The following SCHIP1 variants were observed in gnomAD, a reference collection of about 807,000 sequenced individuals.
SCHIP1 encodes schwannomin-interacting protein 1.
A neutral mutation model predicts 29.7 loss-of-function variants in SCHIP1; 8 were observed. The observed-to-expected ratio is 0.27, with a 90% CI of 0.16 to 0.49. The LOEUF is 0.49. Ranked by LOEUF, SCHIP1 falls within the 20% of genes least tolerant of loss-of-function variation. SCHIP1 has a pLI of 0.99. For missense variants in SCHIP1, 193 were observed against 294.6 expected, an observed-to-expected ratio of 0.66 and a Z score of 2.52; for synonymous variants, 76 against 94.9, an observed-to-expected ratio of 0.80 and a Z score of 1.16.
chr3:159,854,947 C>T (rs143764863), intron 1 of SCHIP1, among the ~76,000 whole-genome samples: 102 of 152,324 alleles, frequency 6.7e-4, no homozygotes, highest in Non-Finnish European at 1.2e-3. Flanking sequence ...CTGACTAAAG[C>T]TACAGACATG....
At chr3:159,612,438 C>A in the SCHIP1 span, among the ~76,000 whole-genome samples, 8 of 152,262 alleles carry the variant, frequency 5.3e-5, no homozygotes, top group South Asian at 1.7e-3. Context: ...ATAATTCTGA[C>A]TGAAATATTT....
chr3:159,765,119 C>T, the SCHIP1 span: 1 of 1,567,192 alleles, frequency 6.4e-7, no homozygotes, highest in Non-Finnish European at 8.6e-7. Flanking sequence ...CAGGGCCAGG[C>T]GAGGACCAAC....
the SCHIP1 span, among the ~76,000 whole-genome samples, chr3:159,732,640 G>A: frequency 6.6e-6 from 1 of 152,202 alleles, no homozygotes; most frequent in Admixed American, 6.5e-5. Context: ...CAAGGTTACA[G>A]AAGGCCCTGA....
chr3:159,550,931 A>G, the SCHIP1 span, among the ~76,000 whole-genome samples: 2 of 152,194 alleles, frequency 1.3e-5, no homozygotes, highest in African/African-American at 4.8e-5. Context: ...ATTGTGAGTT[A>G]ACTTTATATT....
chr3:159,516,079 C>A, the SCHIP1 span, among the ~76,000 whole-genome samples: 8 of 152,058 alleles, frequency 5.3e-5, no homozygotes. Context: ...GACTCCTCTT[C>A]TCCTTCTTCC....
At chr3:159,731,967 C>T in the SCHIP1 span, among the ~76,000 whole-genome samples, 2 of 152,042 alleles carry the variant, frequency 1.3e-5, no homozygotes, top group African/African-American at 4.8e-5. Context: ...CTGTCTCAGC[C>T]TCCTGAGTAG....
the SCHIP1 span, among the ~76,000 whole-genome samples, chr3:159,630,070 G>T: frequency 6.6e-6 from 1 of 152,130 alleles, no homozygotes. Context: ...AATGTACAAA[G>T]CCCCAGAAGC....
the SCHIP1 span, among the ~76,000 whole-genome samples, chr3:159,734,135 C>CTTTTTTTTTTT: frequency 9.9e-6 from 1 of 100,938 alleles, no homozygotes. Context: ...TTATTGTTTA[C>CTTTTTTTTTTT]TTTTTTTTTT....
the SCHIP1 span, among the ~76,000 whole-genome samples, chr3:159,779,434 T>C: frequency 5.0e-4 from 75 of 150,790 alleles, no homozygotes; most frequent in African/African-American, 1.8e-3. Flanking sequence ...TTGGGAGGCC[T>C]GAGTGGGCAG....
the SCHIP1 span, among the ~76,000 whole-genome samples, chr3:159,448,935 T>C: frequency 6.6e-6 from 1 of 152,182 alleles, no homozygotes; most frequent in South Asian, 2.1e-4. Context: ...CTGTCAACTT[T>C]CATGTCTACT....
intron 2 of SCHIP1, among the ~76,000 whole-genome samples, chr3:159,878,097 A>T (rs916569723): frequency 7.9e-5 from 12 of 152,236 alleles, no homozygotes; most frequent in African/African-American, 2.9e-4. Flanking sequence ...ATCCTCTTCC[A>T]GCCATCAAAC....
chr3:159,717,664 C>T, the SCHIP1 span, among the ~76,000 whole-genome samples: 1 of 152,128 alleles, frequency 6.6e-6, no homozygotes. Context: ...CATACACCAT[C>T]CCAAGACTAA....
At chr3:159,610,220 T>C in the SCHIP1 span, among the ~76,000 whole-genome samples, 2 of 152,222 alleles carry the variant, frequency 1.3e-5, no homozygotes, top group Non-Finnish European at 2.9e-5. Context: ...AACTTCCCCC[T>C]AGATGAGAGA....
chr3:159,375,827 A>G, the SCHIP1 span: 1 of 814,372 alleles, frequency 1.2e-6, no homozygotes, highest in East Asian at 1.2e-4. Context: ...GACAGGCAGG[A>G]ATCATCAATG....
At chr3:159,814,997 T>G in the SCHIP1 span, among the ~76,000 whole-genome samples, 1 of 152,194 alleles carries the variant, frequency 6.6e-6, no homozygotes, top group African/African-American at 2.4e-5. Flanking sequence ...TATGTTGCTT[T>G]TCCTTCTGAG....
chr3:159,539,615 A>G, the SCHIP1 span, among the ~76,000 whole-genome samples: 1 of 135,510 alleles, frequency 7.4e-6, no homozygotes, highest in East Asian at 2.5e-4. Context: ...GTCCTCGTGT[A>G]TCTGTGGAAT....
At chr3:159,750,234 C>CAAATATAT in the SCHIP1 span, among the ~76,000 whole-genome samples, 1 of 143,066 alleles carries the variant, frequency 7.0e-6, no homozygotes, top group South Asian at 2.2e-4. Flanking sequence ...GTCAAAAAGC[C>CAAATATAT]AAATATATAT....
chr3:159,722,868 A>G, the SCHIP1 span, among the ~76,000 whole-genome samples: 9 of 152,156 alleles, frequency 5.9e-5, 1 homozygote, highest in African/African-American at 2.2e-4. Context: ...CCTGAACTAC[A>G]TGTCTTCATA....
the SCHIP1 span, among the ~76,000 whole-genome samples, chr3:159,654,193 C>T: frequency 6.6e-6 from 1 of 152,150 alleles, no homozygotes; most frequent in Non-Finnish European, 1.5e-5. Flanking sequence ...CTCCAAGATA[C>T]TCTTCTGAGT....
Sources: allele counts gnomAD v4.1 joint callset (sites outside exome capture counted in the v4.1 genomes callset), GRCh38; gene constraint gnomAD v4.1.1; transcripts MANE v1.5; gene names NCBI Gene and HGNC (gene_info 2026-07-23, HGNC 2026-07-21).